Variants in CSMD1 observed in about 807,000 individuals in gnomAD.
The protein encoded by CSMD1 is CUB and sushi domain-containing protein 1.
CSMD1 carries 213 observed loss-of-function variants against 417.5 expected under a neutral mutation model. The ratio of observed to expected loss-of-function variants is 0.51; its 90% CI spans 0.46 to 0.57. The LOEUF is 0.57. Ranked by LOEUF, CSMD1 falls within the 20% of genes least tolerant of loss-of-function variation. The pLI, the probability that CSMD1 is intolerant of heterozygous loss-of-function variation, is 0.00. For synonymous variants in CSMD1, 2,862 were observed against 1,736.8 expected (o/e 1.65, Z -16.11); for missense variants, 6,923 against 4,529.7 (o/e 1.53, Z -15.17).
intron 6 of CSMD1, among the ~76,000 whole-genome samples, chr8:3,725,406 AT>A (rs1274718417): frequency 6.6e-6 from 1 of 152,162 alleles, no homozygotes; most frequent in East Asian, 1.9e-4. Context: ...GAACATTTTT[AT>A]TTTTTAAAAG....
intron 61 of CSMD1, 109 bp downstream of exon 61, chr8:2,962,357 T>C: frequency 1.0e-6 from 1 of 965,906 alleles, no homozygotes; most frequent in Non-Finnish European, 1.5e-6. Flanking sequence ...TACAGAAAAC[T>C]GTCTATGGAA....
chr8:3,597,291 T>A (rs5026429), intron 8 of CSMD1, among the ~76,000 whole-genome samples: 26,343 of 152,046 alleles, frequency 0.17, 2,756 homozygotes, highest in East Asian at 0.3. Flanking sequence ...CTGGGCTGAT[T>A]CTGAAGCTGA....
intron 4 of CSMD1, 62 bp downstream of exon 4, chr8:4,031,843 G>A: frequency 2.4e-6 from 3 of 1,269,224 alleles, no homozygotes; most frequent in Non-Finnish European, 1.1e-6. Context: ...TTTCATAAAA[G>A]CATCTCCAAA....
chr8:4,539,027 G>A (rs368072255), intron 2 of CSMD1, among the ~76,000 whole-genome samples: 4 of 152,276 alleles, frequency 2.6e-5, no homozygotes, highest in Admixed American at 6.5e-5. Context: ...GTCAGGCAAC[G>A]TTATCCTCCA....
intron 26 of CSMD1, among the ~76,000 whole-genome samples, chr8:3,268,287 C>CTTTTTTTCTTTT (rs1172040830): frequency 8.7e-6 from 1 of 114,652 alleles, no homozygotes; most frequent in African/African-American, 3.5e-5. Context: ...GGTTCATTTC[C>CTTTTTTTCTTTT]TATTTTTTTT....
intron 6 of CSMD1, among the ~76,000 whole-genome samples, chr8:3,737,274 C>G (rs1454277228): frequency 6.6e-6 from 1 of 152,136 alleles, no homozygotes; most frequent in Non-Finnish European, 1.5e-5. Context: ...ATAAGTTTAT[C>G]TTGCTAAAGT....
At chr8:4,107,438 A>G (rs1436007976) in intron 3 of CSMD1, among the ~76,000 whole-genome samples, 1 of 152,226 alleles carries the variant, frequency 6.6e-6, no homozygotes, top group Non-Finnish European at 1.5e-5. Flanking sequence ...TCACATTGGT[A>G]CGGATTTGTT....
rs139574700 is a variant in CSMD1 at position 3,060,488 on chromosome 8, C to A, written c.7475-7841G>T. On this transcript the variant is annotated intron_variant, in intron 49 of 69. Transcript: ENST00000635120. ...ATGGGCATGAGCCACTGTCTATTAACAACTTTTAAATAATAAAAAATTACT... is the reference window on the plus strand; with the variant it reads ...ATGGGCATGAGCCACTGTCTATTAAAAACTTTTAAATAATAAAAAATTACT... 5.5e-3 allele frequency among the ~76,000 whole-genome samples: 831 copies of A among 152,264 alleles called. 7 individuals are homozygous for A. The highest frequency in any genetic ancestry group is 0.019 in the African/African-American group (771 of 41,544).
At chr8:4,826,897 C>T (rs1474166025) in intron 1 of CSMD1, among the ~76,000 whole-genome samples, 2 of 152,094 alleles carry the variant, frequency 1.3e-5, no homozygotes, top group Admixed American at 6.6e-5. Flanking sequence ...ATTTAACTTG[C>T]CTCAAAATCT....
chr8:4,151,134 C>G (rs1439961427), intron 3 of CSMD1, among the ~76,000 whole-genome samples: 1 of 152,160 alleles, frequency 6.6e-6, no homozygotes, highest in Non-Finnish European at 1.5e-5. Flanking sequence ...CCCTGTTCAC[C>G]AAATACATTA....
intron 69 of CSMD1, among the ~76,000 whole-genome samples, chr8:2,939,003 T>C (rs1285635294): frequency 6.6e-6 from 1 of 152,206 alleles, no homozygotes; most frequent in Non-Finnish European, 1.5e-5. Context: ...CTCACTCTGT[T>C]ACCCAGGCTG....
chr8:4,914,676 T>A (rs1433247776), intron 1 of CSMD1, among the ~76,000 whole-genome samples: 1 of 151,786 alleles, frequency 6.6e-6, no homozygotes. Flanking sequence ...TGGACACTAA[T>A]CCGTGAAAAT....
At chr8:4,174,094 G>A (rs752804896) in intron 3 of CSMD1, among the ~76,000 whole-genome samples, 7 of 152,172 alleles carry the variant, frequency 4.6e-5, no homozygotes, top group Admixed American at 3.3e-4. Flanking sequence ...ACATCAGGGA[G>A]ACTCACAGAG....
At chr8:3,643,485 A>C (rs141746440) in intron 7 of CSMD1, among the ~76,000 whole-genome samples, 1 of 151,730 alleles carries the variant, frequency 6.6e-6, no homozygotes, top group Non-Finnish European at 1.5e-5. Context: ...GGCGGATCAC[A>C]AGGTCAGGAG....
At chr8:3,822,142 G>A (rs970260225) in intron 5 of CSMD1, among the ~76,000 whole-genome samples, 5 of 151,970 alleles carry the variant, frequency 3.3e-5, no homozygotes, top group South Asian at 2.1e-4. Context: ...GAGCAAAGAC[G>A]GAACTTCTCC....
intron 4 of CSMD1, among the ~76,000 whole-genome samples, chr8:4,020,432 T>C (rs11136691): frequency 2.6e-5 from 4 of 152,006 alleles, no homozygotes; most frequent in Non-Finnish European, 2.9e-5. Context: ...ACTTTTTCTA[T>C]GCTCTATTGA....
At chr8:4,553,641 A>T (rs1159927924) in intron 2 of CSMD1, among the ~76,000 whole-genome samples, 1 of 152,170 alleles carries the variant, frequency 6.6e-6, no homozygotes, top group Admixed American at 6.5e-5. Flanking sequence ...TATAGCATGA[A>T]AAGCATCAGT....
intron 3 of CSMD1, among the ~76,000 whole-genome samples, chr8:4,216,983 T>C (rs1800718691): frequency 6.6e-6 from 1 of 152,200 alleles, no homozygotes; most frequent in Admixed American, 6.5e-5. Flanking sequence ...GTCCCCACGG[T>C]TAAGACTTCT....
chr8:4,950,971 C>CA (rs1313541600), intron 1 of CSMD1, among the ~76,000 whole-genome samples: 1 of 102,616 alleles, frequency 9.7e-6, no homozygotes, highest in Non-Finnish European at 1.9e-5. Flanking sequence ...GTAAAAAAAA[C>CA]AAAAACAAAA....
Sources: gnomAD v4.1 joint callset for allele counts (sites outside exome capture counted in the v4.1 genomes callset) on GRCh38, gnomAD v4.1.1 for gene constraint, MANE v1.5 for transcripts, NCBI Gene and HGNC (gene_info 2026-07-23, HGNC 2026-07-21) for gene names.